The following KLHDC1 variants were observed in gnomAD, a reference collection of about 807,000 sequenced individuals.
The protein encoded by KLHDC1 is kelch domain-containing protein 1.
A neutral mutation model predicts 68.3 loss-of-function variants in KLHDC1; 53 were observed. That is an observed-to-expected ratio of 0.78 (90% CI 0.62 to 0.98). KLHDC1 has a LOEUF of 0.98. KLHDC1 is among the 50% of genes least tolerant of loss of function. The pLI, the probability that KLHDC1 is intolerant of heterozygous loss-of-function variation, is 0.00. For missense variants in KLHDC1, 470 were observed against 492.3 expected, an observed-to-expected ratio of 0.95 and a Z score of 0.43; for synonymous variants, 148 against 159.0, an observed-to-expected ratio of 0.93 and a Z score of 0.52.
rs575196196 is a variant in KLHDC1, at chr14:49,725,582, T to A, written c.484-104T>A. ...TGACTATGGTAACACTTAACTCTAT[T>A]TTTGTAAGGTGTCTGTTATTTTACC... On this transcript the variant is annotated intron_variant, in intron 5 of 12. Coordinates refer to ENST00000359332, the MANE Select transcript of KLHDC1 (RefSeq NM_172193.3). The A allele has an allele frequency of 5.8e-6, 4 of 689,562 alleles. No individual in the cohort carries two copies. In the African/African-American group the frequency reaches 7.4e-5, roughly 13 times the overall value. 42.7% of individuals were successfully genotyped at this position (689,562 alleles called of 1,614,324 possible).
At chr14:49,749,545 G>A (rs1889277214) in intron 12 of KLHDC1, among the ~76,000 whole-genome samples, 1 of 151,834 alleles carries the variant, frequency 6.6e-6, no homozygotes, top group Admixed American at 6.6e-5. Context: ...GGGCATGGTG[G>A]CATGCGCCTG....
intron 11 of KLHDC1, among the ~76,000 whole-genome samples, chr14:49,743,134 C>CGCCTG (rs1231511255): frequency 6.7e-6 from 1 of 148,288 alleles, no homozygotes; most frequent in Non-Finnish European, 1.5e-5. Context: ...CGGTGGCTCA[C>CGCCTG]GCCTGTAATC....
chr14:49,734,331 A>G (rs1180573163), intron 9 of KLHDC1, among the ~76,000 whole-genome samples: 2 of 152,190 alleles, frequency 1.3e-5, no homozygotes, highest in African/African-American at 4.8e-5. Flanking sequence ...CTAGGATTTC[A>G]TTTAGAAAAA....
chr14:49,697,533 T>C (rs1260310098), intron 1 of KLHDC1, among the ~76,000 whole-genome samples: 1 of 152,184 alleles, frequency 6.6e-6, no homozygotes, highest in East Asian at 1.9e-4. Context: ...GTTGGAAAAA[T>C]GGTGCCAATG....
At chr14:49,722,270 C>G (rs1351140166) in intron 4 of KLHDC1, among the ~76,000 whole-genome samples, 1 of 152,190 alleles carries the variant, frequency 6.6e-6, no homozygotes, top group African/African-American at 2.4e-5. Flanking sequence ...AAGGCTATCC[C>G]CGACCCCATG....
rs1189280530 is a variant in KLHDC1, at chr14:49,732,773, A to T, written c.780A>T (p.Lys260Asn). 6.2e-7 allele frequency: 1 copy of T among 1,609,102 alleles called. No homozygotes were observed. The highest frequency in any genetic ancestry group is 1.7e-5 in the Admixed American group (1 of 59,994). ...CTTTAACACCTATAGCTGATGATAA[A>T]CTTTTCCTATGTGGTGGACTAAGTG... ...WHTLTPIADD[K>N]LFLCGGLSAD... is the part of the protein sequence containing the mutation. Residue 260 changes from lysine (K) to asparagine (N), a missense_variant, in exon 9 of 13, where the codon AAA becomes AAT. Physicochemically the swap from Lys to Asn is moderately conservative, Grantham distance 94. Coordinates refer to ENST00000359332, the MANE Select transcript of KLHDC1 (RefSeq NM_172193.3).
chr14:49,714,135 CTG>C (rs1160942673), intron 4 of KLHDC1, among the ~76,000 whole-genome samples: 2 of 151,088 alleles, frequency 1.3e-5, no homozygotes, highest in African/African-American at 2.4e-5. Flanking sequence ...ATGTAAGACA[CTG>C]TGCTCAGCTA....
chr14:49,716,137 T>G (rs1259818784), intron 4 of KLHDC1, among the ~76,000 whole-genome samples: 1 of 152,196 alleles, frequency 6.6e-6, no homozygotes, highest in Non-Finnish European at 1.5e-5. Flanking sequence ...GACTGAACTC[T>G]GTCTCTGAAC....
chr14:49,707,827 GTT>G (rs11300701), intron 1 of KLHDC1: 15 of 145,660 alleles, frequency 1.0e-4, no homozygotes, highest in Admixed American at 2.8e-4. Context: ...ATTTTTTGGT[GTT>G]TTTTTTTTTA....
intron 8 of KLHDC1, among the ~76,000 whole-genome samples, chr14:49,730,815 A>C (rs896501972): frequency 6.6e-6 from 1 of 151,210 alleles, no homozygotes; most frequent in African/African-American, 2.4e-5. Context: ...TCTACTAAAA[A>C]TACAAAAAAA....
At position 49,751,686 on chromosome 14, in the gene KLHDC1, T is replaced by A; in HGVS notation, c.1135T>A (p.Phe379Ile). The A allele has an allele frequency of 6.2e-7, 1 of 1,608,814 alleles. No homozygotes were observed. Among genetic ancestry groups the A allele is most frequent in the South Asian group, 1.1e-5 (1 of 90,494 alleles). The change falls in exon 13 of 13, where the codon TTT becomes ATT. Residue 379 changes from phenylalanine to isoleucine, a missense_variant. Physicochemically the swap from Phe to Ile is conservative, Grantham distance 21 (BLOSUM62 0). Coordinates refer to ENST00000359332, the MANE Select transcript of KLHDC1 (RefSeq NM_172193.3). ...LLQQVLKKIT[F>I]WAAANHREEQ... Reference sequence around the variant, plus strand: ...GCAACAAGTACTCAAAAAAATAACATTTTGGGCTGCAGCTAATCACCGAGA... The same window carrying A: ...GCAACAAGTACTCAAAAAAATAACAATTTGGGCTGCAGCTAATCACCGAGA...
chr14:49,751,471 AG>A (rs910379813), intron 12 of KLHDC1, 114 bp from the exon 13 acceptor site: 3 of 485,794 alleles, frequency 6.2e-6, no homozygotes, highest in Non-Finnish European at 1.0e-5. Context: ...AATTAAAAAA[AG>A]ATCTGTGAAA....
At position 49,693,351 on chromosome 14, in the gene KLHDC1, G is replaced by C; in HGVS notation, c.96+61G>C. On this transcript the variant is annotated intron_variant, in intron 1 of 12. Transcript: ENST00000359332. Reference sequence around the variant, plus strand: ...CGGGAGACCCTCGGCCTGAGCGGACGCAGCGCCCGCCACACCCGCTCCCGA... The same window carrying C: ...CGGGAGACCCTCGGCCTGAGCGGACCCAGCGCCCGCCACACCCGCTCCCGA... 9 of 1,199,178 alleles carry C rather than the reference G, an allele frequency of 7.5e-6. No homozygotes were observed. In the South Asian group the frequency reaches 1.8e-4, roughly 24 times the overall value. 74.3% of individuals were successfully genotyped at this position (1,199,178 alleles called of 1,614,324 possible).
Position 49,716,387 on chromosome 14 carries a change from C to CT in KLHDC1, c.404+6019dup, listed in dbSNP as rs767551225. The stretch of plus-strand genomic sequence containing the variant: ...GGAGGGAGACTTACCTCTTGCTACG[C>CT]TTTTTTTTTTTTTGAGACAGAGTCT... On this transcript the variant is annotated intron_variant, in intron 4 of 12. Coordinates refer to ENST00000359332, the MANE Select transcript of KLHDC1 (RefSeq NM_172193.3). 6.3e-3 allele frequency among the ~76,000 whole-genome samples: 895 copies of CT among 142,744 alleles called. 5 individuals carry two copies. The highest frequency in any genetic ancestry group is 9.4e-3 in the Admixed American group (134 of 14,212). 93.6% of individuals were successfully genotyped at this position (142,744 alleles called of 152,430 possible).
chr14:49,693,742 C>CTTTTTTTTT (rs1566589138), intron 1 of KLHDC1, among the ~76,000 whole-genome samples: 9 of 60,916 alleles, frequency 1.5e-4, no homozygotes, highest in African/African-American at 4.3e-4. Context: ...ATTTTCTTTT[C>CTTTTTTTTT]TTTTTCTTTT....
chr14:49,744,198 G>A (rs949496302), intron 12 of KLHDC1, among the ~76,000 whole-genome samples: 1 of 152,066 alleles, frequency 6.6e-6, no homozygotes, highest in Non-Finnish European at 1.5e-5. Flanking sequence ...GGCTGAAGTG[G>A]GAGGATGGCT....
chr14:49,749,008 C>G (rs1479405209), intron 12 of KLHDC1, among the ~76,000 whole-genome samples: 1 of 151,978 alleles, frequency 6.6e-6, no homozygotes, highest in Non-Finnish European at 1.5e-5. Context: ...ACCATATTGG[C>G]CAGCCTGGTC....
intron 10 of KLHDC1, among the ~76,000 whole-genome samples, chr14:49,737,877 A>C (rs560992883): frequency 4.5e-4 from 69 of 151,704 alleles, no homozygotes; most frequent in African/African-American, 1.5e-3. Flanking sequence ...AAAAAAAAAA[A>C]AAAAAAAAAC....
At position 49,719,868 on chromosome 14, in the gene KLHDC1, A is replaced by G. The variant is rs185212900; in HGVS notation, c.405-4006A>G. On this transcript the variant is annotated intron_variant, in intron 4 of 12. Transcript: ENST00000359332. ...GATGGTCTCACTCCATCACCCACCC[A>G]GGCTGAAGTGCAGTAATGCAGTCAT... Among the ~76,000 whole-genome samples the G allele has an allele frequency of 2.6e-5, 4 of 152,064 alleles. No homozygotes were observed. In the East Asian group the frequency reaches 7.7e-4, roughly 29 times the overall value.
Sources: gnomAD v4.1 joint callset for allele counts (sites outside exome capture counted in the v4.1 genomes callset) on GRCh38, gnomAD v4.1.1 for gene constraint, MANE v1.5 for transcripts, NCBI Gene and HGNC (gene_info 2026-07-23, HGNC 2026-07-21) for gene names.